CHD6: variants seen among roughly 807,000 people sequenced by gnomAD.
CHD6 encodes the protein ATP-dependent chromatin remodeler CHD6.
A neutral mutation model predicts 276.9 loss-of-function variants in CHD6; 50 were observed. The observed-to-expected ratio is 0.18, with a 90% confidence interval of 0.14 to 0.23. The LOEUF (loss-of-function observed/expected upper bound fraction) is 0.23, where lower values mean the gene tolerates loss of function less well. Among genes scored for constraint, CHD6 ranks in the 10% least tolerant of loss-of-function variants. The pLI, the probability that CHD6 is intolerant of heterozygous loss-of-function variation, is 1.00. For missense variants in CHD6, 2,564 were observed against 3,365.8 expected (o/e 0.76, Z 5.89); for synonymous variants, 1,173 against 1,229.3 (o/e 0.95, Z 0.96).
At chr20:41,467,925 T>C (rs1450289798) in intron 17 of CHD6, among the ~76,000 whole-genome samples, 5 of 152,158 alleles carry the variant, frequency 3.3e-5, no homozygotes, top group Admixed American at 2.6e-4. Flanking sequence ...CATCCTGTGC[T>C]TCAGACGTGC....
chr20:41,457,148 T>C, intron 18 of CHD6, 116 bp downstream of exon 18: 2 of 1,194,504 alleles, frequency 1.7e-6, no homozygotes, highest in African/African-American at 1.5e-5. Flanking sequence ...AATAATGATG[T>C]GAGGGCTGGC....
chr20:41,521,446 T>C (rs1327058506), intron 3 of CHD6, among the ~76,000 whole-genome samples: 1 of 152,184 alleles, frequency 6.6e-6, no homozygotes, highest in East Asian at 1.9e-4. Context: ...GCAAGGGAGA[T>C]ACTGTCAGAT....
chr20:41,557,737 G>A (rs2045256629), intron 1 of CHD6, among the ~76,000 whole-genome samples: 1 of 152,112 alleles, frequency 6.6e-6, no homozygotes, highest in Admixed American at 6.5e-5. Context: ...AGACTCAACT[G>A]AACACAATAA....
intron 20 of CHD6, 69 bp from the exon 21 acceptor site, chr20:41,453,011 A>G: frequency 8.0e-7 from 1 of 1,256,650 alleles, no homozygotes; most frequent in South Asian, 1.2e-5. Flanking sequence ...GCATAAGTGT[A>G]TCCTCAGGAC....
At chr20:41,508,213 G>C (rs901472350) in intron 5 of CHD6, among the ~76,000 whole-genome samples, 1 of 152,198 alleles carries the variant, frequency 6.6e-6, no homozygotes, top group Non-Finnish European at 1.5e-5. Flanking sequence ...CAATCATATA[G>C]GATGTATGAT....
intron 1 of CHD6, among the ~76,000 whole-genome samples, chr20:41,569,586 C>A (rs1360044192): frequency 6.6e-6 from 1 of 152,040 alleles, no homozygotes; most frequent in Non-Finnish European, 1.5e-5. Context: ...GTACCAATAT[C>A]CAGATCAAAA....
rs757133401 is a variant in CHD6 at position 41,445,684 on chromosome 20, G to A, written c.3858C>T (p.Leu1286=). 20 of 1,612,324 alleles carry A rather than the reference G, an allele frequency of 1.2e-5. No individual in the cohort carries two copies. In the South Asian group the frequency reaches 2.0e-4, roughly 16 times the overall value. ...WWDAEADKSL[L]IGVFKHGYER... is the part of the protein sequence containing the mutation. Reference sequence around the variant, plus strand: ...ACACACCATGCTTGAACACGCCAATGAGAAGTGACTTATCGGCTTCAGCAT... The same window carrying A: ...ACACACCATGCTTGAACACGCCAATAAGAAGTGACTTATCGGCTTCAGCAT... The change falls in exon 25 of 37, where the codon CTC becomes CTT. Residue 1286 remains leucine, a synonymous_variant. Coordinates refer to ENST00000373233, the MANE Select transcript of CHD6 (RefSeq NM_032221.5).
rs1370401761 is a variant in CHD6, at chr20:41,455,830, C to A, written c.2979G>T (p.Gln993His). Reference protein sequence around the residue: ...LQRRTHTITIQSEGKGSTFAK... With the variant: ...LQRRTHTITIHSEGKGSTFAK... The stretch of plus-strand genomic sequence containing the variant: ...CAAAAGTGGACCCTTTCCCCTCAGA[C>A]TGGATGGTGATGGTGTGCGTTCGCC... Residue 993 changes from glutamine to histidine, a missense_variant, in exon 19 of 37, where the codon CAG becomes CAT. Gln to His is a conservative substitution (Grantham distance 24, BLOSUM62 0). Coordinates refer to ENST00000373233, the MANE Select transcript of CHD6 (RefSeq NM_032221.5). The A allele has an allele frequency of 6.2e-7, 1 of 1,603,236 alleles. No homozygotes were observed. Among genetic ancestry groups the A allele is most frequent in the South Asian group, 1.1e-5 (1 of 89,164 alleles).
intron 16 of CHD6, chr20:41,482,564 T>G (rs1360360666): frequency 1.9e-6 from 1 of 512,888 alleles, no homozygotes; most frequent in Admixed American, 2.0e-5. Context: ...TAGCAATGCC[T>G]AGGCTACCAG....
chr20:41,547,320 G>GA (rs1328531916), intron 2 of CHD6: 1 of 189,566 alleles, frequency 5.3e-6, no homozygotes, highest in Non-Finnish European at 1.1e-5. Flanking sequence ...TTAAATGACA[G>GA]AAAAACAAGG....
At chr20:41,611,028 C>T (rs1025051933) in intron 1 of CHD6, among the ~76,000 whole-genome samples, 1 of 152,150 alleles carries the variant, frequency 6.6e-6, no homozygotes, top group Non-Finnish European at 1.5e-5. Context: ...CATAAGTCCC[C>T]GCTGGAACAG....
intron 17 of CHD6, among the ~76,000 whole-genome samples, chr20:41,460,859 T>C (rs529581200): frequency 9.9e-5 from 15 of 152,250 alleles, no homozygotes; most frequent in South Asian, 2.1e-4. Flanking sequence ...CCCAGAACTG[T>C]AGATCCACTG....
intron 1 of CHD6, among the ~76,000 whole-genome samples, chr20:41,577,860 C>A (rs1424432020): frequency 1.3e-5 from 2 of 152,322 alleles, no homozygotes; most frequent in South Asian, 4.1e-4. Context: ...AGCCACACAG[C>A]CAGAGCAAAT....
At chr20:41,579,472 G>T (rs1053944148) in intron 1 of CHD6, among the ~76,000 whole-genome samples, 1 of 123,772 alleles carries the variant, frequency 8.1e-6, no homozygotes, top group Non-Finnish European at 1.6e-5. Context: ...AAGGCTAAAA[G>T]AAACAAGAGA....
intron 1 of CHD6, among the ~76,000 whole-genome samples, chr20:41,579,268 T>C (rs992205496): frequency 1.5e-3 from 216 of 147,444 alleles, no homozygotes; most frequent in African/African-American, 5.2e-3. Context: ...GGAAACCCCA[T>C]CTCTACTAAA....
intron 7 of CHD6, 157 bp downstream of exon 7, chr20:41,498,011 G>C (rs1380570251): frequency 1.7e-6 from 1 of 598,870 alleles, no homozygotes; most frequent in Non-Finnish European, 3.0e-6. Context: ...AGCTATAATT[G>C]AGCGTTACTG....
intron 23 of CHD6, among the ~76,000 whole-genome samples, chr20:41,450,700 AG>A (rs1169027583): frequency 6.6e-6 from 1 of 152,176 alleles, no homozygotes; most frequent in Non-Finnish European, 1.5e-5. Flanking sequence ...AAAAATCCTC[AG>A]GGGTATATAC....
intron 1 of CHD6, among the ~76,000 whole-genome samples, chr20:41,554,923 G>C (rs2045200148): frequency 6.6e-6 from 1 of 152,074 alleles, no homozygotes; most frequent in African/African-American, 2.4e-5. Context: ...GTGGTGGCCA[G>C]GCAGAGGGGC....
At chr20:41,559,234 T>A (rs934719297) in intron 1 of CHD6, among the ~76,000 whole-genome samples, 5 of 151,974 alleles carry the variant, frequency 3.3e-5, no homozygotes, top group African/African-American at 1.2e-4. Flanking sequence ...AGGATTGAGC[T>A]CCTAGCAGGT....
Sources: gnomAD v4.1 joint callset for allele counts (sites outside exome capture counted in the v4.1 genomes callset) on GRCh38, gnomAD v4.1.1 for gene constraint, MANE v1.5 for transcripts, NCBI Gene and HGNC (gene_info 2026-07-23, HGNC 2026-07-21) for gene names.